The following LIMD1 variants were observed in gnomAD, a reference collection of about 807,000 sequenced individuals.
LIMD1 encodes the protein LIM domain-containing protein 1.
In LIMD1, 23 loss-of-function variants were observed where a neutral mutation model predicts 58.4. The ratio of observed to expected loss-of-function variants is 0.39; its 90% CI spans 0.28 to 0.56. The LOEUF (loss-of-function observed/expected upper bound fraction) is 0.56. Among genes scored for constraint, LIMD1 ranks in the 20% least tolerant of loss-of-function variants. The pLI is 0.57. For missense variants in LIMD1, 838 were observed against 855.5 expected (o/e 0.98, Z 0.25); for synonymous variants, 334 against 345.5 (o/e 0.97, Z 0.37).
chr3:45,605,680 T>G (rs563813102), intron 1 of LIMD1, among the ~76,000 whole-genome samples: 1 of 152,232 alleles, frequency 6.6e-6, no homozygotes, highest in Non-Finnish European at 1.5e-5. Context: ...TAACCACACA[T>G]GGCAAGCCAC....
chr3:45,666,625 A>AGCTC (rs1046586187), intron 3 of LIMD1, among the ~76,000 whole-genome samples: 17 of 152,004 alleles, frequency 1.1e-4, no homozygotes, highest in African/African-American at 4.1e-4. Context: ...ACAATGGAGG[A>AGCTC]GCTCTTCTGT....
chr3:45,605,084 A>G (rs1458539137), intron 1 of LIMD1, among the ~76,000 whole-genome samples: 1 of 152,244 alleles, frequency 6.6e-6, no homozygotes, highest in Non-Finnish European at 1.5e-5. Flanking sequence ...TGGGCCTGAT[A>G]CCACCAGCAG....
chr3:45,601,175 C>T (rs1701408346), intron 1 of LIMD1, among the ~76,000 whole-genome samples: 1 of 152,206 alleles, frequency 6.6e-6, no homozygotes, highest in Non-Finnish European at 1.5e-5. Flanking sequence ...TTAAAAGGTG[C>T]TTTTGGGGTC....
chr3:45,650,789 A>G (rs550928587), intron 2 of LIMD1, among the ~76,000 whole-genome samples: 1 of 152,148 alleles, frequency 6.6e-6, no homozygotes, highest in South Asian at 2.1e-4. Flanking sequence ...TAGTGCCGCA[A>G]TAAACATAAC....
intron 2 of LIMD1, among the ~76,000 whole-genome samples, chr3:45,648,784 G>A (rs1238776851): frequency 2.6e-5 from 1 of 38,782 alleles, no homozygotes; most frequent in Non-Finnish European, 4.8e-5. Flanking sequence ...TGTGAAGTTG[G>A]ATCTCATTGT....
chr3:45,670,316 A>G (rs1314705645), intron 4 of LIMD1, among the ~76,000 whole-genome samples: 7 of 152,224 alleles, frequency 4.6e-5, no homozygotes, highest in Non-Finnish European at 8.8e-5. Flanking sequence ...ACCTCAGGGT[A>G]TGTCATTTAT....
intron 1 of LIMD1, among the ~76,000 whole-genome samples, chr3:45,616,488 C>T (rs1701577598): frequency 6.6e-6 from 1 of 152,192 alleles, no homozygotes; most frequent in Non-Finnish European, 1.5e-5. Flanking sequence ...GCCCCCGACC[C>T]CTTCTTCCTC....
intron 1 of LIMD1, among the ~76,000 whole-genome samples, chr3:45,617,369 T>G (rs927829234): frequency 5.3e-5 from 8 of 152,044 alleles, no homozygotes; most frequent in African/African-American, 1.9e-4. Flanking sequence ...AAAAGCAATG[T>G]TTTTGTCTTT....
intron 2 of LIMD1, among the ~76,000 whole-genome samples, chr3:45,649,926 G>T (rs1575359440): frequency 1.6e-5 from 2 of 123,584 alleles, no homozygotes; most frequent in African/African-American, 3.2e-5. Context: ...TATGTGACAT[G>T]TTTTTCCCCC....
Position 45,594,882 on chromosome 3 carries a change from GGATAAGTAT to G in LIMD1, c.6_14del (p.Lys3_Asp5del), listed in dbSNP as rs1449243807. On this transcript the variant is annotated inframe_deletion, in exon 1 of 8. Coordinates refer to ENST00000273317, the MANE Select transcript of LIMD1 (RefSeq NM_014240.3). Reference sequence around the variant, plus strand: ...AGGCCCGGACACCTGTCTGCAGCATGGATAAGTATGACGACCTGGGCCTGGAGGCCAGTA... The same window carrying G: ...AGGCCCGGACACCTGTCTGCAGCATGGACGACCTGGGCCTGGAGGCCAGTA... 1.9e-6 allele frequency: 3 copies of G among 1,601,008 alleles called. No individual in the cohort carries two copies. The highest frequency in any genetic ancestry group is 2.6e-6 in the Non-Finnish European group (3 of 1,174,578).
At chr3:45,615,823 C>T (rs12490854) in intron 1 of LIMD1, among the ~76,000 whole-genome samples, 46,714 of 151,428 alleles carry the variant, frequency 0.31, 7,854 homozygotes, top group South Asian at 0.53. Context: ...TCTAAGCCTC[C>T]AATGTCTGTC....
chr3:45,658,215 G>A (rs1429352265), intron 2 of LIMD1, among the ~76,000 whole-genome samples: 3 of 152,144 alleles, frequency 2.0e-5, no homozygotes, highest in African/African-American at 7.2e-5. Context: ...TTTCAAAACC[G>A]AAGTGAAAAA....
At chr3:45,597,028 A>ATT (rs35567590) in intron 1 of LIMD1, among the ~76,000 whole-genome samples, 4,838 of 147,882 alleles carry the variant, frequency 0.033, 224 homozygotes, top group African/African-American at 0.1. Flanking sequence ...CACCTGGCTA[A>ATT]TTTTTTTTTT....
chr3:45,655,427 C>A (rs1179874952), intron 2 of LIMD1, among the ~76,000 whole-genome samples: 1 of 152,174 alleles, frequency 6.6e-6, no homozygotes, highest in South Asian at 2.1e-4. Context: ...CACTCCCACC[C>A]CCAGTTTATG....
intron 1 of LIMD1, among the ~76,000 whole-genome samples, chr3:45,626,025 G>T (rs77991729): frequency 6.6e-5 from 10 of 152,220 alleles, no homozygotes; most frequent in Non-Finnish European, 1.3e-4. Flanking sequence ...AGCCACAAAA[G>T]AGAGGTGGGA....
At chr3:45,674,288 C>A in intron 6 of LIMD1, 55 bp from the exon 7 acceptor site, 2 of 1,464,494 alleles carry the variant, frequency 1.4e-6, no homozygotes, top group East Asian at 2.3e-5. Flanking sequence ...ACATCAAGCC[C>A]GACAGCCCCC....
chr3:45,652,166 A>G (rs1296143333), intron 2 of LIMD1, among the ~76,000 whole-genome samples: 1 of 151,596 alleles, frequency 6.6e-6, no homozygotes, highest in Non-Finnish European at 1.5e-5. Flanking sequence ...TCCTCAAGTG[A>G]TACGCCTTCC....
chr3:45,622,274 A>G (rs1428821065), intron 1 of LIMD1, among the ~76,000 whole-genome samples: 2 of 152,124 alleles, frequency 1.3e-5, no homozygotes, highest in Non-Finnish European at 2.9e-5. Flanking sequence ...TTTGGGGAGA[A>G]TTTTAAATTA....
chr3:45,650,732 A>G (rs1701960098), intron 2 of LIMD1, among the ~76,000 whole-genome samples: 1 of 152,024 alleles, frequency 6.6e-6, no homozygotes, highest in Non-Finnish European at 1.5e-5. Context: ...TATCCAGCCT[A>G]TTATTGATGG....
Sources: gnomAD v4.1 joint callset for allele counts (sites outside exome capture counted in the v4.1 genomes callset) on GRCh38, gnomAD v4.1.1 for gene constraint, MANE v1.5 for transcripts, NCBI Gene and HGNC (gene_info 2026-07-23, HGNC 2026-07-21) for gene names.